The following RARB variants were observed in gnomAD, a reference collection of about 807,000 sequenced individuals.
RARB encodes HBV-activated protein.
Under a neutral mutation model 51.9 loss-of-function variants are expected in RARB, and 17 were observed. The observed-to-expected ratio is 0.33, with a 90% CI of 0.22 to 0.49. The LOEUF (loss-of-function observed/expected upper bound fraction) is 0.49. Ranked by LOEUF, RARB falls within the 20% of genes least tolerant of loss-of-function variation. The probability of loss-of-function intolerance (pLI) is 0.99; values close to 1 mark genes in which losing one functional copy is unlikely to be tolerated. For missense variants in RARB, 369 were observed against 550.8 expected, an observed-to-expected ratio of 0.67 and a Z score of 3.30; for synonymous variants, 215 against 195.4, an observed-to-expected ratio of 1.10 and a Z score of -0.84.
At chr3:25,013,405 C>G (rs1259999150) in intron 2 of RARB, among the ~76,000 whole-genome samples, 1 of 152,062 alleles carries the variant, frequency 6.6e-6, no homozygotes, top group Non-Finnish European at 1.5e-5. Context: ...TCACTGAATT[C>G]AAACTGTACT....
intron 3 of RARB, among the ~76,000 whole-genome samples, chr3:25,063,802 T>G: frequency 6.6e-6 from 1 of 151,946 alleles, no homozygotes; most frequent in South Asian, 2.1e-4. Context: ...CAGACTCAGC[T>G]TCAAGATAAG....
intron 3 of RARB, among the ~76,000 whole-genome samples, chr3:25,066,549 A>G (rs1332747131): frequency 1.3e-5 from 2 of 151,478 alleles, no homozygotes; most frequent in Admixed American, 1.3e-4. Flanking sequence ...TTGACATTTT[A>G]CTCTCCTGAT....
intron 5 of RARB, among the ~76,000 whole-genome samples, chr3:25,248,795 T>TA (rs879787878): frequency 6.6e-6 from 1 of 152,222 alleles, no homozygotes; most frequent in Non-Finnish European, 1.5e-5. Flanking sequence ...CTACTGCTTA[T>TA]ATGTCTACTG....
chr3:25,264,304 T>C (rs1320775019), intron 5 of RARB, among the ~76,000 whole-genome samples: 2 of 152,118 alleles, frequency 1.3e-5, no homozygotes, highest in Non-Finnish European at 2.9e-5. Context: ...TCAAGAACCC[T>C]GGGGTGAAAA....
rs368782354 is a variant in RARB, at chr3:25,214,291, G to A, written c.178+39716G>A. Among the ~76,000 whole-genome samples the A allele has an allele frequency of 7.2e-4, 109 of 152,196 alleles. 1 individual carries two copies. Among genetic ancestry groups the A allele is most frequent in the African/African-American group, 2.5e-3 (102 of 41,528 alleles). ...TGGGTAAGAGAAGTTCTCTTTGAGC[G>A]ATTAACTTGAGCAAATGAGCTGCAT... On this transcript the variant is annotated intron_variant, in intron 5 of 11. Coordinates refer to the RARB transcript ENST00000383772.
chr3:25,156,516 C>CAAAAAAAAAAAAAAA (rs35710364), intron 4 of RARB, among the ~76,000 whole-genome samples: 5 of 56,810 alleles, frequency 8.8e-5, no homozygotes, highest in African/African-American at 2.2e-4. Flanking sequence ...GCCCCAACTG[C>CAAAAAAAAAAAAAAA]AAAAAAAAAA....
At chr3:25,002,221 G>A (rs1167818167) in intron 2 of RARB, among the ~76,000 whole-genome samples, 1 of 152,172 alleles carries the variant, frequency 6.6e-6, no homozygotes, top group Non-Finnish European at 1.5e-5. Flanking sequence ...GTGGTAAGGT[G>A]TGAAGACACA....
At chr3:24,871,684 C>T (rs1376449626) in intron 2 of RARB, among the ~76,000 whole-genome samples, 1 of 152,090 alleles carries the variant, frequency 6.6e-6, no homozygotes, top group Non-Finnish European at 1.5e-5. Context: ...AGTTGAATGC[C>T]TAGTACATAT....
rs774760473 is a variant in RARB, at chr3:25,184,054, C to T, written c.178+9479C>T. ...CCTAACTAAATCCTTCCCTGGTTAACTTGGCCCCTACCATTGTCTTTTTAT... is the reference window on the plus strand; with the variant it reads ...CCTAACTAAATCCTTCCCTGGTTAATTTGGCCCCTACCATTGTCTTTTTAT... On this transcript the variant is annotated intron_variant, in intron 5 of 11. Coordinates refer to the RARB transcript ENST00000383772. Among the ~76,000 whole-genome samples the T allele has an allele frequency of 3.1e-4, 47 of 152,108 alleles. 1 individual carries two copies. Among genetic ancestry groups the T allele is most frequent in the Non-Finnish European group, 5.6e-4 (38 of 68,016 alleles).
chr3:25,597,549 C>CATGTAACTCTAGTGTCCT lies in RARB; in HGVS notation c.*934_*951dup, dbSNP rs970692581. 2 of 152,576 alleles carry CATGTAACTCTAGTGTCCT rather than the reference C, an allele frequency of 1.3e-5. No homozygotes were observed. Among genetic ancestry groups the CATGTAACTCTAGTGTCCT allele is most frequent in the African/African-American group, 4.8e-5 (2 of 41,414 alleles). 9.5% of individuals were successfully genotyped at this position (152,576 alleles called of 1,614,324 possible). A position where few individuals can be genotyped will look rare whatever the true frequency, so the allele number is the denominator to read the frequency against. On this transcript the variant is annotated 3_prime_UTR_variant, in exon 8 of 8. Transcript: ENST00000330688. ...TAGCAGGCTGGTCTACCACCTGGAC[C>CATGTAACTCTAGTGTCCT]ATGTAACTCTAGTGTCCTTCCTGAT...
At chr3:25,230,018 A>C (rs112793699) in intron 5 of RARB, among the ~76,000 whole-genome samples, 1 of 152,242 alleles carries the variant, frequency 6.6e-6, no homozygotes, top group East Asian at 1.9e-4. Context: ...ATTATGAATG[A>C]TGATGCCTAG....
intron 2 of RARB, among the ~76,000 whole-genome samples, chr3:25,483,302 G>A (rs1696319486): frequency 6.6e-6 from 1 of 152,176 alleles, no homozygotes; most frequent in Non-Finnish European, 1.5e-5. Context: ...GAAAAAATAT[G>A]TGTACATATA....
intron 3 of RARB, among the ~76,000 whole-genome samples, chr3:25,069,031 A>G (rs943796115): frequency 2.6e-5 from 4 of 151,670 alleles, no homozygotes; most frequent in Non-Finnish European, 5.9e-5. Flanking sequence ...AAAAACACAC[A>G]CACACCTCAT....
Position 25,555,161 on chromosome 3 carries a change from T to C in RARB, c.449-14597T>C, listed in dbSNP as rs73820518. ...ATGAATGAATGAGTAAATTGACAAA[T>C]AGCTACTCTAGCTTGTTTATTTAAT... On this transcript the variant is annotated intron_variant, in intron 3 of 7. Transcript: ENST00000330688. Among the ~76,000 whole-genome samples the C allele has an allele frequency of 1.4e-3, 217 of 152,338 alleles. 2 individuals are homozygous for C. Among genetic ancestry groups the C allele is most frequent in the African/African-American group, 5.1e-3 (214 of 41,582 alleles).
rs113854062 is a variant in RARB at position 25,084,055 on chromosome 3, A to G, written c.-328+23879A>G. Among the ~76,000 whole-genome samples the G allele has an allele frequency of 6.3e-3, 962 of 152,224 alleles. 6 individuals carry two copies. Among genetic ancestry groups the G allele is most frequent in the African/African-American group, 0.022 (901 of 41,528 alleles). On this transcript the variant is annotated intron_variant, in intron 3 of 11. Coordinates refer to the RARB transcript ENST00000383772. ...GAGTTCTCTCAGTCTCATCCTCTGG[A>G]TATGTATCTCAGTATTTGGCTAATG... is the stretch of plus-strand genomic sequence containing the variant.
intron 1 of RARB, among the ~76,000 whole-genome samples, chr3:25,445,943 A>G: frequency 6.6e-6 from 1 of 152,250 alleles, no homozygotes; most frequent in East Asian, 1.9e-4. Flanking sequence ...GGAGCTCTAA[A>G]AAAATCCATG....
At chr3:25,203,162 A>T (rs148179283) in intron 5 of RARB, among the ~76,000 whole-genome samples, 21,482 of 152,140 alleles carry the variant, frequency 0.14, 1,651 homozygotes, top group Non-Finnish European at 0.17. Flanking sequence ...CTTCTTGTTG[A>T]ATTGATCCCT....
At chr3:25,363,053 A>AG (rs899398356) in intron 5 of RARB, among the ~76,000 whole-genome samples, 1 of 152,226 alleles carries the variant, frequency 6.6e-6, no homozygotes, top group African/African-American at 2.4e-5. Flanking sequence ...CTTTAAAAAA[A>AG]AAGCTTTGAT....
intron 5 of RARB, among the ~76,000 whole-genome samples, chr3:25,311,847 G>A (rs1014348342): frequency 4.6e-5 from 7 of 152,168 alleles, no homozygotes; most frequent in Non-Finnish European, 8.8e-5. Flanking sequence ...GAATGACAGT[G>A]GGGGATGTGG....
Sources: allele counts gnomAD v4.1 joint callset (sites outside exome capture counted in the v4.1 genomes callset), GRCh38; gene constraint gnomAD v4.1.1; transcripts MANE v1.5; gene names NCBI Gene and HGNC (gene_info 2026-07-23, HGNC 2026-07-21).